MSRA: variants seen among roughly 807,000 people sequenced by gnomAD.
MSRA encodes the protein mitochondrial peptide methionine sulfoxide reductase.
In MSRA, 54 loss-of-function variants were observed where a neutral mutation model predicts 31.3. That is an observed-to-expected ratio of 1.73 (90% CI 1.39 to 2.17). MSRA has a LOEUF of 2.17. Among genes scored for constraint, MSRA ranks in the 30% most tolerant of loss-of-function variants. MSRA has a pLI of 0.00. For missense variants in MSRA, 507 were observed against 300.9 expected, an observed-to-expected ratio of 1.69 and a Z score of -5.07; for synonymous variants, 169 against 116.5, an observed-to-expected ratio of 1.45 and a Z score of -2.90.
chr8:10,242,797 G>C (rs552790793), intron 2 of MSRA, among the ~76,000 whole-genome samples: 2 of 152,264 alleles, frequency 1.3e-5, no homozygotes, highest in Non-Finnish European at 2.9e-5. Context: ...GCAGCCGCTA[G>C]TTGAAATGTT....
intron 1 of MSRA, among the ~76,000 whole-genome samples, chr8:10,203,013 C>T (rs1225272415): frequency 6.6e-6 from 1 of 151,890 alleles, no homozygotes; most frequent in African/African-American, 2.4e-5. Context: ...AGTGTTGTGC[C>T]TGCGGTCCAC....
At chr8:10,360,534 C>T (rs1239317260) in intron 5 of MSRA, among the ~76,000 whole-genome samples, 1 of 152,164 alleles carries the variant, frequency 6.6e-6, no homozygotes, top group African/African-American at 2.4e-5. Context: ...AGCCCCCCAG[C>T]AAGATTTTAA....
At chr8:10,353,530 G>T (rs1486774624) in intron 5 of MSRA, 4 of 448,282 alleles carry the variant, frequency 8.9e-6, no homozygotes, top group Non-Finnish European at 1.8e-5. Flanking sequence ...GTCCCCTGCA[G>T]AGCACGACAC....
chr8:10,234,250 C>G (rs907047821), intron 2 of MSRA, among the ~76,000 whole-genome samples: 1 of 151,924 alleles, frequency 6.6e-6, no homozygotes, highest in Non-Finnish European at 1.5e-5. Flanking sequence ...ATCACTGAAG[C>G]AATTTTAAAA....
chr8:10,179,511 G>A (rs577231103), intron 1 of MSRA, among the ~76,000 whole-genome samples: 8 of 152,316 alleles, frequency 5.3e-5, no homozygotes, highest in South Asian at 2.1e-4. Context: ...GCAAGGTTTT[G>A]TCTTGGAATG....
At chr8:10,290,692 T>G (rs1800186450) in intron 3 of MSRA, among the ~76,000 whole-genome samples, 1 of 152,202 alleles carries the variant, frequency 6.6e-6, no homozygotes. Flanking sequence ...ACTCTCCTTG[T>G]GTAGCCCACT....
intron 5 of MSRA, among the ~76,000 whole-genome samples, chr8:10,344,190 C>T (rs1213708983): frequency 3.9e-5 from 6 of 152,292 alleles, no homozygotes; most frequent in Non-Finnish European, 2.9e-5. Flanking sequence ...GTACTAACAG[C>T]AGTGTGATCG....
intron 5 of MSRA, among the ~76,000 whole-genome samples, chr8:10,360,083 C>T (rs574663347): frequency 9.8e-5 from 15 of 152,322 alleles, no homozygotes; most frequent in African/African-American, 3.6e-4. Context: ...CAGTGCAGCT[C>T]CAGCCTCTTC....
chr8:10,358,927 G>C (rs546354593), intron 5 of MSRA, among the ~76,000 whole-genome samples: 1 of 152,142 alleles, frequency 6.6e-6, no homozygotes, highest in South Asian at 2.1e-4. Context: ...TGAACTGCAC[G>C]TGTGAGGGAT....
intron 2 of MSRA, among the ~76,000 whole-genome samples, chr8:10,236,885 C>T (rs76629200): frequency 1.3e-5 from 2 of 152,158 alleles, no homozygotes; most frequent in Admixed American, 1.3e-4. Flanking sequence ...ATAATTATAA[C>T]ATGGTATTGA....
chr8:10,417,439 C>CACACACACACACACAT (rs1382546348), intron 5 of MSRA, among the ~76,000 whole-genome samples: 1 of 151,752 alleles, frequency 6.6e-6, no homozygotes, highest in African/African-American at 2.4e-5. Flanking sequence ...CACACACACA[C>CACACACACACACACAT]ACACACATAC....
chr8:10,378,073 A>T (rs912976448), intron 5 of MSRA, among the ~76,000 whole-genome samples: 1 of 152,216 alleles, frequency 6.6e-6, no homozygotes, highest in Non-Finnish European at 1.5e-5. Flanking sequence ...GTGGCTCGAC[A>T]TTGGCAGAGG....
At chr8:10,230,959 A>G (rs537991431) in intron 2 of MSRA, among the ~76,000 whole-genome samples, 44 of 152,058 alleles carry the variant, frequency 2.9e-4, no homozygotes, top group Non-Finnish European at 5.7e-4. Context: ...TAATTTTTGT[A>G]TTTTTAGTAG....
chr8:10,313,839 T>C (rs1262189770), intron 4 of MSRA, among the ~76,000 whole-genome samples: 1 of 152,182 alleles, frequency 6.6e-6, no homozygotes, highest in East Asian at 1.9e-4. Context: ...GACAAATGAA[T>C]AGAGAGTTCA....
At chr8:10,146,728 G>A (rs376825368) in intron 1 of MSRA, among the ~76,000 whole-genome samples, 1 of 152,174 alleles carries the variant, frequency 6.6e-6, no homozygotes, top group Non-Finnish European at 1.5e-5. Context: ...AAATACTGCT[G>A]CATACTGATG....
chr8:10,177,826 T>C (rs1486872251), intron 1 of MSRA, among the ~76,000 whole-genome samples: 1 of 152,196 alleles, frequency 6.6e-6, no homozygotes, highest in African/African-American at 2.4e-5. Context: ...AAGTTCAAGT[T>C]ACCTGCAAAA....
intron 3 of MSRA, among the ~76,000 whole-genome samples, chr8:10,259,808 G>T (rs752796321): frequency 4.6e-5 from 7 of 152,162 alleles, no homozygotes. Context: ...GCTTTTGTAG[G>T]CTGGGGCTGC....
chr8:10,355,771 G>T (rs761531642), intron 5 of MSRA, among the ~76,000 whole-genome samples: 1 of 152,242 alleles, frequency 6.6e-6, no homozygotes, highest in South Asian at 2.1e-4. Flanking sequence ...GGTGGCCAGG[G>T]GTCTAGCCAG....
At chr8:10,426,382 C>G (rs961822481) in intron 5 of MSRA, among the ~76,000 whole-genome samples, 14 of 152,230 alleles carry the variant, frequency 9.2e-5, no homozygotes, top group African/African-American at 3.4e-4. Context: ...CCCAAGATTT[C>G]AGGATACCAA....
Sources: gnomAD v4.1 joint callset for allele counts (sites outside exome capture counted in the v4.1 genomes callset) on GRCh38, gnomAD v4.1.1 for gene constraint, MANE v1.5 for transcripts, NCBI Gene and HGNC (gene_info 2026-07-23, HGNC 2026-07-21) for gene names.